Variants in RBFOX2 observed in about 807,000 individuals in gnomAD.
RBFOX2 encodes the protein RNA binding protein fox-1 homolog 2.
A neutral mutation model predicts 49.1 loss-of-function variants in RBFOX2; 10 were observed. That is an observed-to-expected ratio of 0.20 (90% CI 0.13 to 0.35). The LOEUF (loss-of-function observed/expected upper bound fraction) is 0.35, where lower values mean the gene tolerates loss of function less well. Among genes scored for constraint, RBFOX2 ranks in the 10% least tolerant of loss-of-function variants. The pLI, the probability that RBFOX2 is intolerant of heterozygous loss-of-function variation, is 1.00. For synonymous variants in RBFOX2, 183 were observed against 187.4 expected (o/e 0.98, Z 0.19); for missense variants, 323 against 486.9 (o/e 0.66, Z 3.17).
At chr22:35,819,724 C>T (rs1954022067) in intron 1 of RBFOX2, among the ~76,000 whole-genome samples, 1 of 152,114 alleles carries the variant, frequency 6.6e-6, no homozygotes. Context: ...AAAGTCCCTG[C>T]CCTTATGGAG....
intron 1 of RBFOX2, among the ~76,000 whole-genome samples, chr22:35,932,120 C>T (rs982126295): frequency 1.3e-5 from 2 of 152,072 alleles, no homozygotes; most frequent in Non-Finnish European, 2.9e-5. Context: ...CCTGAACACA[C>T]TTACCATGTC....
At chr22:35,761,898 G>C (rs1418710879) in intron 6 of RBFOX2, among the ~76,000 whole-genome samples, 20 of 152,068 alleles carry the variant, frequency 1.3e-4, no homozygotes. Context: ...TTTTAATAAA[G>C]GTATCCATGG....
At chr22:35,799,183 T>C (rs1242319331) in intron 2 of RBFOX2, among the ~76,000 whole-genome samples, 1 of 152,210 alleles carries the variant, frequency 6.6e-6, no homozygotes, top group African/African-American at 2.4e-5. Flanking sequence ...AATATAAACA[T>C]CATATCTGAA....
chr22:35,811,237 A>G (rs73159794), intron 1 of RBFOX2, among the ~76,000 whole-genome samples: 780 of 152,354 alleles, frequency 5.1e-3, no homozygotes, highest in Non-Finnish European at 9.0e-3. Context: ...GGGCAGAGTC[A>G]TAGACTGAGT....
upstream of RBFOX2, among the ~76,000 whole-genome samples, chr22:35,844,761 C>A (rs1427961435): frequency 6.6e-6 from 1 of 151,848 alleles, no homozygotes; most frequent in Admixed American, 6.6e-5. Context: ...CCGTCTTGGC[C>A]TCCCAAAGTG....
chr22:35,897,564 G>T, intron 1 of RBFOX2: 1 of 910,226 alleles, frequency 1.1e-6, no homozygotes, highest in Non-Finnish European at 1.9e-6. Context: ...CCACAGCAAA[G>T]ATGTACTTCA....
intron 1 of RBFOX2, among the ~76,000 whole-genome samples, chr22:35,881,569 G>C (rs1269713777): frequency 6.6e-6 from 1 of 150,594 alleles, no homozygotes; most frequent in Non-Finnish European, 1.5e-5. Context: ...GCAACAGAAT[G>C]AGACTCTGTC....
chr22:35,897,990 G>GT, intron 1 of RBFOX2: 1 of 749,876 alleles, frequency 1.3e-6, no homozygotes, highest in Non-Finnish European at 2.4e-6. Flanking sequence ...CAAAATCAAA[G>GT]TTTTTGGTTT....
chr22:35,925,593 C>T (rs147690953), intron 1 of RBFOX2, among the ~76,000 whole-genome samples: 19 of 152,194 alleles, frequency 1.2e-4, no homozygotes, highest in African/African-American at 4.6e-4. Context: ...AATGCACTAG[C>T]CAAAACCTCA....
chr22:35,822,425 CT>C (rs1954726523), intron 1 of RBFOX2, among the ~76,000 whole-genome samples: 1 of 152,086 alleles, frequency 6.6e-6, no homozygotes, highest in African/African-American at 2.4e-5. Flanking sequence ...TCTTTTGCCC[CT>C]AGGTTCAGGT....
chr22:36,017,258 C>T (rs2059073591), intron 1 of RBFOX2, among the ~76,000 whole-genome samples: 1 of 152,036 alleles, frequency 6.6e-6, no homozygotes, highest in African/African-American at 2.4e-5. Context: ...GTGCCGGGCA[C>T]GTGGCTCATG....
At chr22:35,853,038 A>G (rs2042116835) in intron 1 of RBFOX2, among the ~76,000 whole-genome samples, 1 of 152,186 alleles carries the variant, frequency 6.6e-6, no homozygotes, top group Non-Finnish European at 1.5e-5. Flanking sequence ...TCATGCCTGT[A>G]ATCCCAGCAC....
intron 1 of RBFOX2, among the ~76,000 whole-genome samples, chr22:35,947,764 A>C: frequency 6.6e-6 from 1 of 151,634 alleles, no homozygotes; most frequent in East Asian, 1.9e-4. Context: ...GTACAGCTAT[A>C]CAATGTGTTT....
chr22:35,820,024 C>T (rs1802200817), intron 1 of RBFOX2, among the ~76,000 whole-genome samples: 1 of 152,158 alleles, frequency 6.6e-6, no homozygotes, highest in Admixed American at 6.5e-5. Context: ...GAACTAGGAA[C>T]ATGGAGGCCT....
intron 1 of RBFOX2, among the ~76,000 whole-genome samples, chr22:35,828,390 G>A (rs762807461): frequency 8.3e-4 from 126 of 152,112 alleles, no homozygotes; most frequent in Non-Finnish European, 1.4e-3. Context: ...GAACCTGGTG[G>A]GTTCCATGAA....
At chr22:35,962,894 T>C (rs1427897432), upstream of RBFOX2, among the ~76,000 whole-genome samples, 2 of 151,814 alleles carry the variant, frequency 1.3e-5, no homozygotes, top group Admixed American at 6.6e-5. Flanking sequence ...TATGTGACTC[T>C]GAAGGACAAA....
At chr22:35,797,437 C>T (rs1267808184) in intron 2 of RBFOX2, among the ~76,000 whole-genome samples, 4 of 152,216 alleles carry the variant, frequency 2.6e-5, no homozygotes, top group Non-Finnish European at 5.9e-5. Context: ...TTTATGAATA[C>T]TTTTCACTTT....
In RBFOX2 at chr22:35,987,047, T is replaced by C. The variant is rs936083610; in HGVS notation, c.186+41193A>G. Reference sequence around the variant, plus strand: ...AAACTGTTTTCATGTATCTTTATGATAGGTTTGGTGTTTTATCTTCCATTT... The same window carrying C: ...AAACTGTTTTCATGTATCTTTATGACAGGTTTGGTGTTTTATCTTCCATTT... On this transcript the variant is annotated intron_variant, in intron 1 of 13. Transcript: ENST00000438146. Among the ~76,000 whole-genome samples, 11 of 152,068 alleles carry C rather than the reference T, an allele frequency of 7.2e-5. No homozygotes were observed. In the South Asian group the frequency reaches 1.7e-3, roughly 23 times the overall value.
At chr22:35,862,123 G>A (rs917350833) in intron 1 of RBFOX2, among the ~76,000 whole-genome samples, 2 of 152,098 alleles carry the variant, frequency 1.3e-5, no homozygotes, top group Non-Finnish European at 2.9e-5. Flanking sequence ...GAGATGTGCT[G>A]GGGAGGTAAG....
Sources: gnomAD v4.1 joint callset for allele counts (sites outside exome capture counted in the v4.1 genomes callset) on GRCh38, gnomAD v4.1.1 for gene constraint, MANE v1.5 for transcripts, NCBI Gene and HGNC (gene_info 2026-07-23, HGNC 2026-07-21) for gene names.